Variants in SLC6A18 observed in about 807,000 individuals in gnomAD.
SLC6A18 encodes solute carrier family 6 member 18.
A neutral mutation model predicts 62.9 loss-of-function variants in SLC6A18; 58 were observed. The ratio of observed to expected loss-of-function variants is 0.92; its 90% CI spans 0.75 to 1.15. SLC6A18 has a LOEUF of 1.15. SLC6A18 is among the 50% of genes most tolerant of loss of function. The pLI is 0.00. For synonymous variants in SLC6A18, 382 were observed against 365.8 expected (o/e 1.04, Z -0.51); for missense variants, 793 against 836.6 (o/e 0.95, Z 0.64).
chr5:1,225,775 C>T, intron 1 of SLC6A18, 138 bp downstream of exon 1: 2 of 1,071,820 alleles, frequency 1.9e-6, no homozygotes, highest in Non-Finnish European at 2.6e-6. Context: ...CACCATTGCC[C>T]ACGGCAGAGT....
rs1241446789 is a variant in SLC6A18 at position 1,246,141 on chromosome 5, G to A, written c.*63G>A. 15 of 1,399,728 alleles carry A rather than the reference G, an allele frequency of 1.1e-5. No individual in the cohort carries two copies. The highest frequency in any genetic ancestry group is 1.5e-5 in the African/African-American group (1 of 65,510). 86.7% of individuals were successfully genotyped at this position (1,399,728 alleles called of 1,614,324 possible). ...GGGGGGCTTGGCCTGATGGTGGGCG[G>A]GGCCCCGCCCACAGGGCCGACCCCA... On this transcript the variant is annotated 3_prime_UTR_variant, in exon 12 of 12. Transcript: ENST00000324642.
chr5:1,229,760 G>A (rs1746674744), intron 1 of SLC6A18, among the ~76,000 whole-genome samples: 1 of 151,398 alleles, frequency 6.6e-6, no homozygotes, highest in Non-Finnish European at 1.5e-5. Context: ...GGGGGAAGAA[G>A]GCCTCCACGG....
Position 1,243,073 on chromosome 5 carries a change from G to A in SLC6A18, c.1131+210G>A, listed in dbSNP as rs190230045. The stretch of plus-strand genomic sequence containing the variant: ...CTGGGGGCAGCTGTGTCCAGCAGAC[G>A]CTGCACCCAGCAGTCTTGGGGGTTG... On this transcript the variant is annotated intron_variant, in intron 8 of 11. Coordinates refer to ENST00000324642, the MANE Select transcript of SLC6A18 (RefSeq NM_182632.3). This position sits in a 1 kb window ranked among gnomAD's most constrained non-coding sequence, Gnocchi z 6.5. Among the ~76,000 whole-genome samples, 8 of 152,350 alleles carry A rather than the reference G, an allele frequency of 5.3e-5. No homozygotes were observed. Among genetic ancestry groups the A allele is most frequent in the Admixed American group, 3.9e-4 (6 of 15,314 alleles).
intron 9 of SLC6A18, 29 bp from the exon 10 acceptor site, chr5:1,244,184 AC>A: frequency 4.0e-6 from 3 of 752,212 alleles, no homozygotes; most frequent in Non-Finnish European, 1.8e-6. Context: ...CCATCCCCTT[AC>A]CCCCCACACC....
intron 8 of SLC6A18, 76 bp downstream of exon 8, chr5:1,242,939 T>C: frequency 6.9e-7 from 1 of 1,444,730 alleles, no homozygotes; most frequent in Non-Finnish European, 9.3e-7. Flanking sequence ...TGTGTCCCAC[T>C]GCCAAAGGCT....
chr5:1,233,749 A>ATTTTTT (rs70957337), intron 3 of SLC6A18, among the ~76,000 whole-genome samples: 3 of 138,632 alleles, frequency 2.2e-5, no homozygotes, highest in Non-Finnish European at 4.7e-5. Context: ...CACTCAGCTA[A>ATTTTTT]TTTTTTTTTT....
intron 5 of SLC6A18, among the ~76,000 whole-genome samples, 191 bp downstream of exon 5, chr5:1,238,251 T>G (rs1746942179): frequency 1.2e-5 from 1 of 80,494 alleles, no homozygotes; most frequent in Non-Finnish European, 2.2e-5. Context: ...AGAGGTCAGG[T>G]TTGGAGTGAG....
chr5:1,232,289 C>A lies in SLC6A18; in HGVS notation c.231C>A (p.Ala77=). The part of the protein sequence containing the change: ...EGIPIFHVEL[A]IGQRLRKGSV... ...TCCCCATTTTCCACGTCGAGCTCGCCATCGGCCAGCGGCTGCGGAAGGGCA... is the reference window on the plus strand; with the variant it reads ...TCCCCATTTTCCACGTCGAGCTCGCAATCGGCCAGCGGCTGCGGAAGGGCA... Residue 77 remains alanine (A), a synonymous_variant, in exon 2 of 12, where the codon GCC becomes GCA. Transcript: ENST00000324642. 6.2e-7 allele frequency: 1 copy of A among 1,612,784 alleles called. No homozygotes were observed. The highest frequency in any genetic ancestry group is 8.5e-7 in the Non-Finnish European group (1 of 1,179,890).
chr5:1,233,751 T>C (rs577506380), intron 3 of SLC6A18, among the ~76,000 whole-genome samples: 1 of 149,878 alleles, frequency 6.7e-6, no homozygotes, highest in South Asian at 2.1e-4. Flanking sequence ...CTCAGCTAAT[T>C]TTTTTTTTGA....
In SLC6A18 at chr5:1,243,820, G is replaced by A. The variant is rs913937756; in HGVS notation, c.1336+61G>A. On this transcript the variant is annotated intron_variant, in intron 9 of 11. Coordinates refer to ENST00000324642, the MANE Select transcript of SLC6A18 (RefSeq NM_182632.3). This position sits in a 1 kb window ranked among gnomAD's most constrained non-coding sequence, Gnocchi z 6.5. ...CCCCAGCATCTGACTGTCCACTCCCGCCCGCTGTCCAGACGCCCCTCCTGG... is the reference window on the plus strand; with the variant it reads ...CCCCAGCATCTGACTGTCCACTCCCACCCGCTGTCCAGACGCCCCTCCTGG... 11 of 1,468,130 alleles carry A rather than the reference G, an allele frequency of 7.5e-6. No individual in the cohort carries two copies. Among genetic ancestry groups the A allele is most frequent in the South Asian group, 2.6e-5 (2 of 77,266 alleles). 90.9% of individuals were successfully genotyped at this position (1,468,130 alleles called of 1,614,324 possible).
chr5:1,238,126 C>A, intron 5 of SLC6A18, 66 bp downstream of exon 5: 2 of 1,270,394 alleles, frequency 1.6e-6, no homozygotes, highest in Non-Finnish European at 2.3e-6. Context: ...TGGCCAGCAG[C>A]TCCCTCCCTC....
rs200879273 is a variant in SLC6A18, at chr5:1,240,519, G to A, written c.846-12G>A. The A allele has an allele frequency of 1.5e-4, 238 of 1,613,984 alleles. 2 individuals are homozygous for A. Among genetic ancestry groups the A allele is most frequent in the South Asian group, 1.3e-3 (115 of 91,064 alleles). Reference sequence around the variant, plus strand: ...CCTGCAAAGCCTGTGATGAGCGTGCGTTTGTGCCCAGGAATGACTGCCAGA... The same window carrying A: ...CCTGCAAAGCCTGTGATGAGCGTGCATTTGTGCCCAGGAATGACTGCCAGA... On this transcript the variant is annotated splice_polypyrimidine_tract_variant and intron_variant, in intron 6 of 11. Coordinates refer to ENST00000324642, the MANE Select transcript of SLC6A18 (RefSeq NM_182632.3).
chr5:1,237,240 C>CAAAAAAAAAAAAAAAAAA (rs61528804), intron 4 of SLC6A18, among the ~76,000 whole-genome samples: 1 of 76,468 alleles, frequency 1.3e-5, no homozygotes, highest in African/African-American at 5.4e-5. Flanking sequence ...GACTCTGTCT[C>CAAAAAAAAAAAAAAAAAA]AAAAAAAAAA....
intron 1 of SLC6A18, among the ~76,000 whole-genome samples, chr5:1,226,929 G>T (rs936340992): frequency 6.6e-6 from 1 of 151,968 alleles, no homozygotes; most frequent in Non-Finnish European, 1.5e-5. Context: ...CTTGCCCACC[G>T]ATGCCTTTCC....
At chr5:1,242,511 G>A (rs1043875477) in intron 7 of SLC6A18, among the ~76,000 whole-genome samples, 196 bp from the exon 8 acceptor site, 8 of 144,754 alleles carry the variant, frequency 5.5e-5, no homozygotes, top group African/African-American at 1.8e-4. Flanking sequence ...GGCAGGAGGC[G>A]TCCACACGAT....
At chr5:1,242,518 C>A (rs867812186) in intron 7 of SLC6A18, among the ~76,000 whole-genome samples, 189 bp from the exon 8 acceptor site, 2 of 147,722 alleles carry the variant, frequency 1.4e-5, no homozygotes, top group South Asian at 4.4e-4. Flanking sequence ...GGCGTCCACA[C>A]GATCCCAACA....
rs576378904 is a variant in SLC6A18 at position 1,240,672 on chromosome 5, G to A, written c.974+13G>A. On this transcript the variant is annotated intron_variant, in intron 7 of 11. Transcript: ENST00000324642. Reference sequence around the variant, plus strand: ...ACTGCCTGGACAGGTGAGCACAGGTGCCGCGCCTGGCTCTGTGGGGCACAG... The same window carrying A: ...ACTGCCTGGACAGGTGAGCACAGGTACCGCGCCTGGCTCTGTGGGGCACAG... 1.9e-6 allele frequency: 3 copies of A among 1,612,954 alleles called. No individual in the cohort carries two copies. The South Asian group carries it at 3.3e-5, about 18-fold the overall frequency.
rs757774699 is a variant in SLC6A18, at chr5:1,244,386, C to A, written c.1496+13C>A. 1.2e-6 allele frequency: 2 copies of A among 1,613,500 alleles called. No homozygotes were observed. Among genetic ancestry groups the A allele is most frequent in the Non-Finnish European group, 8.5e-7 (1 of 1,179,644 alleles). ...ATGGAATGAAACGGTGAGCTGCCGC[C>A]CCGCCGAGTGCTCCTCTGGGACCCA... is the stretch of plus-strand genomic sequence containing the variant. On this transcript the variant is annotated intron_variant, in intron 10 of 11. Coordinates refer to ENST00000324642, the MANE Select transcript of SLC6A18 (RefSeq NM_182632.3).
rs895509650 is a variant in SLC6A18 at position 1,232,347 on chromosome 5, C to T, written c.289C>T (p.Leu97Phe). ...CGTGTGGACGGCCATCTCCCCGTACCTCAGTGGAGTAGGTAGGCCACCGTC... is the reference window on the plus strand; with the variant it reads ...CGTGTGGACGGCCATCTCCCCGTACTTCAGTGGAGTAGGTAGGCCACCGTC... ...VGVWTAISPY[L>F]SGVGLGCVTL... Residue 97 changes from leucine to phenylalanine, a missense_variant, in exon 2 of 12, where the codon CTC becomes TTC. Physicochemically the swap from Leu to Phe is conservative, Grantham distance 22 (BLOSUM62 0). Coordinates refer to ENST00000324642, the MANE Select transcript of SLC6A18 (RefSeq NM_182632.3). The T allele has an allele frequency of 1.9e-6, 3 of 1,610,768 alleles. No individual in the cohort carries two copies. Among genetic ancestry groups the T allele is most frequent in the Non-Finnish European group, 1.7e-6 (2 of 1,179,486 alleles).
Sources: gnomAD v4.1 joint callset for allele counts (sites outside exome capture counted in the v4.1 genomes callset) on GRCh38, gnomAD v4.1.1 for gene constraint, Gnocchi (gnomAD v3.1) non-coding constraint, MANE v1.5 for transcripts, NCBI Gene and HGNC (gene_info 2026-07-23, HGNC 2026-07-21) for gene names.